Variants in ZSCAN5A observed in about 807,000 individuals in gnomAD.
ZSCAN5A encodes the protein zinc finger and SCAN domain-containing protein 5A.
A neutral mutation model predicts 23.7 loss-of-function variants in ZSCAN5A; 12 were observed. The ratio of observed to expected loss-of-function variants is 0.51; its 90% confidence interval spans 0.32 to 0.82. The LOEUF is 0.82. ZSCAN5A is among the 40% of genes least tolerant of loss of function. The pLI is 0.03. For missense variants in ZSCAN5A, 597 were observed against 617.9 expected, an observed-to-expected ratio of 0.97 and a Z score of 0.36; for synonymous variants, 257 against 239.9, an observed-to-expected ratio of 1.07 and a Z score of -0.66.
intron 2 of ZSCAN5A, among the ~76,000 whole-genome samples, chr19:56,309,781 C>A (rs895874783): frequency 3.9e-5 from 6 of 152,180 alleles, no homozygotes; most frequent in African/African-American, 1.4e-4. Context: ...GGCCCGGCGC[C>A]GGGACAGTGA....
chr19:56,321,435 T>A (rs2041374611), intron 2 of ZSCAN5A: 1 of 671,798 alleles, frequency 1.5e-6, no homozygotes. Context: ...CTGTGAAATG[T>A]CCAACGGCAT....
intron 2 of ZSCAN5A, among the ~76,000 whole-genome samples, chr19:56,248,741 T>G (rs1374686934): frequency 1.3e-5 from 2 of 151,830 alleles, no homozygotes; most frequent in African/African-American, 4.8e-5. Context: ...CTAATGACTT[T>G]TTCAGAGCTG....
At chr19:56,291,453 C>G (rs1450347197) in intron 2 of ZSCAN5A, among the ~76,000 whole-genome samples, 1 of 152,216 alleles carries the variant, frequency 6.6e-6, no homozygotes, top group Non-Finnish European at 1.5e-5. Context: ...ATCTGGAAGA[C>G]ACTTTATTTC....
intron 5 of ZSCAN5A, 119 bp from the exon 6 acceptor site, chr19:56,222,445 T>C (rs965743058): frequency 1.3e-6 from 2 of 1,555,638 alleles, no homozygotes; most frequent in African/African-American, 2.7e-5. Context: ...CCTAAGACAT[T>C]GGACTGTAGG....
intron 2 of ZSCAN5A, among the ~76,000 whole-genome samples, chr19:56,327,271 C>T (rs537716959): frequency 2.6e-5 from 4 of 151,622 alleles, no homozygotes; most frequent in South Asian, 4.2e-4. Flanking sequence ...TGCATCCCAC[C>T]GCACCTGGCT....
At chr19:56,256,396 G>T (rs935607082) in intron 2 of ZSCAN5A, among the ~76,000 whole-genome samples, 12 of 152,096 alleles carry the variant, frequency 7.9e-5, no homozygotes, top group African/African-American at 2.4e-4. Context: ...GTTCTGTCAT[G>T]TTGCCCAGGT....
chr19:56,363,227 A>G (rs1230883069), intron 2 of ZSCAN5A: 1 of 152,206 alleles, frequency 6.6e-6, no homozygotes, highest in Non-Finnish European at 1.5e-5. Context: ...CCTCTTAGAA[A>G]CACTCACCTC....
intron 2 of ZSCAN5A, among the ~76,000 whole-genome samples, chr19:56,308,606 G>A (rs1405644420): frequency 1.3e-5 from 2 of 152,178 alleles, no homozygotes; most frequent in East Asian, 3.8e-4. Context: ...TTACAGGCAT[G>A]AGCCACCACG....
rs8102204 is a variant in ZSCAN5A at position 56,336,290 on chromosome 19, C to T, written c.-357-20022G>A. Among the ~76,000 whole-genome samples, 1,469 of 150,428 alleles carry T rather than the reference C, an allele frequency of 9.8e-3. 30 individuals are homozygous for T. Among genetic ancestry groups the T allele is most frequent in the African/African-American group, 0.034 (1,399 of 40,810 alleles). ...TGGAGGCTTTGTTCATTTCTTTTTA[C>T]TCTTTTTTCTCTGAACTTCTCTTCT... On this transcript the variant is annotated intron_variant, in intron 2 of 6. Transcript: ENST00000587340.
intron 2 of ZSCAN5A, among the ~76,000 whole-genome samples, chr19:56,345,037 G>A (rs1425269243): frequency 2.6e-5 from 4 of 151,828 alleles, no homozygotes; most frequent in African/African-American, 7.3e-5. Context: ...CCCAGGAGGC[G>A]GAGCTTGCAC....
At chr19:56,320,647 A>C (rs1046092076) in intron 2 of ZSCAN5A, 1 of 753,630 alleles carries the variant, frequency 1.3e-6, no homozygotes, top group Non-Finnish European at 2.5e-6. Context: ...AAGCCAGGCG[A>C]GTACAACGTG....
In ZSCAN5A at chr19:56,222,667, C is replaced by T; in HGVS notation, c.663G>A (p.Leu221=). 1 of 1,614,182 alleles carries T rather than the reference C, an allele frequency of 6.2e-7. No individual in the cohort carries two copies. Among genetic ancestry groups the T allele is most frequent in the South Asian group, 1.1e-5 (1 of 91,082 alleles). The part of the protein sequence containing the change: ...DPKSLRPKQT[L]EKDLKENREE... ...CCCTGTTTTCCTTCAGATCCTTCTC[C>T]AAGGTCTGCTTGGGTCTCAGAGACT... The change falls in exon 5 of 6, where the codon TTG becomes TTA. Residue 221 remains leucine (L), a synonymous_variant. Transcript: ENST00000683990.
At chr19:56,259,224 A>G (rs1398614353) in intron 2 of ZSCAN5A, among the ~76,000 whole-genome samples, 1 of 151,920 alleles carries the variant, frequency 6.6e-6, no homozygotes, top group African/African-American at 2.4e-5. Flanking sequence ...TTTTTTTTTA[A>G]AATAGAGATG....
chr19:56,276,420 T>C (rs1489598030), intron 2 of ZSCAN5A, among the ~76,000 whole-genome samples: 1 of 151,702 alleles, frequency 6.6e-6, no homozygotes, highest in East Asian at 1.9e-4. Flanking sequence ...CCTTGGCTTA[T>C]GTTTAACACC....
In ZSCAN5A at chr19:56,232,112, C is replaced by G. The variant is rs193158966; in HGVS notation, c.-127-6939G>C. Reference sequence around the variant, plus strand: ...AAGTGAACCTCCTACCTCAGCCCCCCCAGGTGGCTGGGACCACTATGTCCG... The same window carrying G: ...AAGTGAACCTCCTACCTCAGCCCCCGCAGGTGGCTGGGACCACTATGTCCG... On this transcript the variant is annotated intron_variant, in intron 2 of 5. Transcript: ENST00000683990. Among the ~76,000 whole-genome samples the G allele has an allele frequency of 4.6e-4, 69 of 151,606 alleles. 2 individuals are homozygous for G. Among genetic ancestry groups the G allele is most frequent in the East Asian group, 1.7e-3 (9 of 5,170 alleles).
chr19:56,268,080 A>T (rs567710221), intron 2 of ZSCAN5A, among the ~76,000 whole-genome samples: 20 of 152,258 alleles, frequency 1.3e-4, no homozygotes, highest in Non-Finnish European at 2.5e-4. Flanking sequence ...TTATCTGTTT[A>T]GTGGGGGACA....
upstream of ZSCAN5A, among the ~76,000 whole-genome samples, chr19:56,318,775 C>T (rs1309695581): frequency 6.6e-6 from 1 of 152,186 alleles, no homozygotes; most frequent in Non-Finnish European, 1.5e-5. Context: ...AAGCCAGAAA[C>T]TGAAGCAGAA....
intron 2 of ZSCAN5A, among the ~76,000 whole-genome samples, chr19:56,343,671 C>T (rs2041611323): frequency 6.6e-6 from 1 of 152,234 alleles, no homozygotes; most frequent in African/African-American, 2.4e-5. Context: ...CGGGGTTTGC[C>T]TCCGGCACTC....
At chr19:56,242,378 T>C (rs1015015949) in intron 2 of ZSCAN5A, among the ~76,000 whole-genome samples, 4 of 152,206 alleles carry the variant, frequency 2.6e-5, no homozygotes, top group Non-Finnish European at 5.9e-5. Flanking sequence ...TAGCGGGTTA[T>C]GTGTTTTCTT....
Sources: allele counts gnomAD v4.1 joint callset (sites outside exome capture counted in the v4.1 genomes callset), GRCh38; gene constraint gnomAD v4.1.1; transcripts MANE v1.5; gene names NCBI Gene and HGNC (gene_info 2026-07-23, HGNC 2026-07-21).